Variants in DCAF10 observed in about 807,000 individuals in gnomAD.
DCAF10 encodes the protein DDB1- and CUL4-associated factor 10.
DCAF10 carries 19 observed loss-of-function variants against 51.9 expected under a neutral mutation model. That is an observed-to-expected ratio of 0.37 (90% CI 0.26 to 0.54). The LOEUF is 0.54. Ranked by LOEUF, DCAF10 falls within the 20% of genes least tolerant of loss-of-function variation. DCAF10 has a pLI of 0.87. For synonymous variants in DCAF10, 291 were observed against 297.1 expected, an observed-to-expected ratio of 0.98 and a Z score of 0.21; for missense variants, 510 against 730.6, an observed-to-expected ratio of 0.70 and a Z score of 3.48.
In DCAF10 at chr9:37,801,542, T is replaced by C. The variant is rs1828946227; in HGVS notation, c.539+137T>C. 2 of 1,078,000 alleles carry C rather than the reference T, an allele frequency of 1.9e-6. No individual in the cohort carries two copies. The highest frequency in any genetic ancestry group is 2.5e-5 in the South Asian group (1 of 40,044). 66.8% of individuals were successfully genotyped at this position (1,078,000 alleles called of 1,614,324 possible). Reference sequence around the variant, plus strand: ...TGGGGCCGCTGGCCTTCGTGCCTCCTGGCACTTTCTGAAGCGCATTCTCGC... The same window carrying C: ...TGGGGCCGCTGGCCTTCGTGCCTCCCGGCACTTTCTGAAGCGCATTCTCGC... On this transcript the variant is annotated intron_variant, in intron 1 of 6. Transcript: ENST00000377724. The surrounding 1 kb of genome is among the most constrained non-coding windows in gnomAD (Gnocchi z 5.5).
At chr9:37,834,943 A>G (rs984378734) in intron 2 of DCAF10, among the ~76,000 whole-genome samples, 2 of 151,684 alleles carry the variant, frequency 1.3e-5, no homozygotes, top group African/African-American at 4.8e-5. Context: ...CTCGTGCCAC[A>G]CCTGGCTAAT....
At chr9:37,824,083 G>A (rs12335406) in intron 2 of DCAF10, among the ~76,000 whole-genome samples, 6,145 of 151,940 alleles carry the variant, frequency 0.04, 254 homozygotes, top group African/African-American at 0.11. Context: ...GTTTCACCAC[G>A]TTGGCCAGGC....
intron 2 of DCAF10, among the ~76,000 whole-genome samples, chr9:37,830,877 G>A (rs1829985710): frequency 6.6e-6 from 1 of 152,200 alleles, no homozygotes; most frequent in Admixed American, 6.6e-5. Flanking sequence ...TGCTTCTTCT[G>A]ATCTGTTGAT....
At position 37,842,234 on chromosome 9, in the gene DCAF10, C is replaced by T; in HGVS notation, c.799C>T (p.Leu267Phe). 6.2e-7 allele frequency: 1 copy of T among 1,613,840 alleles called. No homozygotes were observed. Among genetic ancestry groups the T allele is most frequent in the Non-Finnish European group, 8.5e-7 (1 of 1,179,900 alleles). The change falls in exon 3 of 7, where the codon CTC becomes TTC. Residue 267 changes from leucine (L) to phenylalanine (F), a missense_variant. This residue lies in a region of DCAF10 where 126 missense variants were observed against 271.5 expected (regional missense o/e 0.46). Coordinates refer to ENST00000377724, the MANE Select transcript of DCAF10 (RefSeq NM_024345.5). ...CATCGAATATGATACTAATACAAGA[C>T]TCTTAGTAACATCAGGATTTGATGG... is the stretch of plus-strand genomic sequence containing the variant. ...KNIEYDTNTR[L>F]LVTSGFDGNV...
Position 37,829,702 on chromosome 9 carries a change from A to T in DCAF10, c.653+10301A>T, listed in dbSNP as rs983478944. The stretch of plus-strand genomic sequence containing the variant: ...CAATATATGGTAAAGCTGAAGATTA[A>T]TTTTTTTTTAATAATTGATGCAGGC... On this transcript the variant is annotated intron_variant, in intron 2 of 6. Transcript: ENST00000377724. The surrounding 1 kb of genome is among the most constrained non-coding windows in gnomAD (Gnocchi z 4.2). Among the ~76,000 whole-genome samples the T allele has an allele frequency of 2.4e-4, 36 of 151,530 alleles. No individual in the cohort carries two copies. The highest frequency in any genetic ancestry group is 1.9e-4 in the Non-Finnish European group (13 of 67,868).
Position 37,861,349 on chromosome 9 carries a change from T to G in DCAF10, c.1521T>G (p.Leu507=). The change falls in exon 7 of 7, where the codon CTT becomes CTG. Residue 507 remains leucine (L), a synonymous_variant. Coordinates refer to ENST00000377724, the MANE Select transcript of DCAF10 (RefSeq NM_024345.5). The surrounding 1 kb of genome is among the most constrained non-coding windows in gnomAD (Gnocchi z 4.9). ...GATTTGACAAACAGTGCAGTGAACT[T>G]GTTGACTGCTTGCCCAAAGAAGCCA... ...LLGFDKQCSE[L]VDCLPKEASP... is the part of the protein sequence containing the mutation. The G allele has an allele frequency of 6.2e-7, 1 of 1,614,228 alleles. No individual in the cohort carries two copies. The highest frequency in any genetic ancestry group is 8.5e-7 in the Non-Finnish European group (1 of 1,180,028).
chr9:37,857,513 G>A (rs1404754804), intron 5 of DCAF10, among the ~76,000 whole-genome samples, 162 bp downstream of exon 5: 1 of 152,104 alleles, frequency 6.6e-6, no homozygotes, highest in African/African-American at 2.4e-5. Context: ...AAAGCTAACC[G>A]AGAGTCCCTG....
chr9:37,851,671 T>C (rs1359720913), intron 3 of DCAF10, among the ~76,000 whole-genome samples: 1 of 151,366 alleles, frequency 6.6e-6, no homozygotes, highest in Admixed American at 6.6e-5. Context: ...GGCAGGCGCT[T>C]GTAATCCCGG....
intron 1 of DCAF10, among the ~76,000 whole-genome samples, chr9:37,810,024 C>A (rs1383394751): frequency 6.6e-6 from 1 of 151,684 alleles, no homozygotes; most frequent in Non-Finnish European, 1.5e-5. Context: ...TGGTGGCAAA[C>A]GCCTGTAATC....
intron 2 of DCAF10, among the ~76,000 whole-genome samples, chr9:37,832,871 GTTTTT>G (rs1055694600): frequency 1.3e-5 from 2 of 151,446 alleles, no homozygotes; most frequent in African/African-American, 4.9e-5. Flanking sequence ...GTTTTGTTTT[GTTTTT>G]TATTTTTTGT....
At chr9:37,809,394 T>TAA (rs60722292) in intron 1 of DCAF10, among the ~76,000 whole-genome samples, 16 of 129,144 alleles carry the variant, frequency 1.2e-4, no homozygotes, top group African/African-American at 1.9e-4. Flanking sequence ...GGAAATATAG[T>TAA]AAAAAAAAAA....
chr9:37,819,819 T>C (rs1829650969), intron 2 of DCAF10, among the ~76,000 whole-genome samples: 1 of 152,304 alleles, frequency 6.6e-6, no homozygotes, highest in Non-Finnish European at 1.5e-5. Context: ...GCACAGACAA[T>C]TTCTCTGTAG....
intron 3 of DCAF10, among the ~76,000 whole-genome samples, chr9:37,843,845 G>A (rs1830402229): frequency 6.6e-6 from 1 of 152,136 alleles, no homozygotes; most frequent in South Asian, 2.1e-4. Flanking sequence ...AAACTGTCCA[G>A]TTAAAAATAG....
At chr9:37,825,991 C>T (rs1052820737) in intron 2 of DCAF10, among the ~76,000 whole-genome samples, 1 of 150,810 alleles carries the variant, frequency 6.6e-6, no homozygotes, top group Non-Finnish European at 1.5e-5. Context: ...GCCGAGATCG[C>T]GTCACTGCAC....
At position 37,800,963 on chromosome 9, in the gene DCAF10, G is replaced by C. The variant is rs760606695; in HGVS notation, c.97G>C (p.Gly33Arg). Residue 33 changes from glycine to arginine, a missense_variant, in exon 1 of 7, where the codon GGG (glycine) becomes CGG (arginine). Physicochemically the swap from Gly to Arg is moderately radical, Grantham distance 125. Around this residue, in one of 4 missense-constraint regions of DCAF10, gnomAD observed 251 missense variants for 227.9 expected, o/e 1.10. Coordinates refer to ENST00000377724, the MANE Select transcript of DCAF10 (RefSeq NM_024345.5). The part of the protein sequence containing the change: ...TPHEGQAAAT[G>R]PPSPLHPGAD... ...CCACGAGGGGCAGGCAGCAGCCACCGGGCCGCCCTCGCCACTACATCCCGG... is the reference window on the plus strand; with the variant it reads ...CCACGAGGGGCAGGCAGCAGCCACCCGGCCGCCCTCGCCACTACATCCCGG... The C allele has an allele frequency of 1.1e-5, 17 of 1,508,616 alleles. No individual in the cohort carries two copies. Among genetic ancestry groups the C allele is most frequent in the Admixed American group, 2.1e-5 (1 of 48,520 alleles). 93.5% of individuals were successfully genotyped at this position (1,508,616 alleles called of 1,614,324 possible).
chr9:37,800,899 G>A lies in DCAF10; in HGVS notation c.33G>A (p.Gly11=). 6.7e-7 allele frequency: 1 copy of A among 1,497,390 alleles called. No individual in the cohort carries two copies. Among genetic ancestry groups the A allele is most frequent in the South Asian group, 1.3e-5 (1 of 77,866 alleles). 92.8% of individuals were successfully genotyped at this position (1,497,390 alleles called of 1,614,324 possible). MFPFGPHSPG[G]DGSAGAGAEE... is the part of the protein sequence containing the mutation. The stretch of plus-strand genomic sequence containing the variant: ...CCTTTGGGCCCCATAGCCCTGGAGG[G>A]GACGGATCGGCCGGAGCCGGGGCTG... Residue 11 remains glycine, a synonymous_variant, in exon 1 of 7, where the codon GGG becomes GGA. Transcript: ENST00000377724.
rs1831146870 is a variant in DCAF10, at chr9:37,866,863, G to A, written c.*5355G>A. The A allele has an allele frequency of 1.3e-5, 2 of 152,438 alleles. No homozygotes were observed. Among genetic ancestry groups the A allele is most frequent in the African/African-American group, 4.8e-5 (2 of 41,382 alleles). 9.4% of individuals were successfully genotyped at this position (152,438 alleles called of 1,614,324 possible). On this transcript the variant is annotated 3_prime_UTR_variant, in exon 7 of 7. Transcript: ENST00000377724. ...CAACAAAGGCTCTGTATTTGCAGAG[G>A]GGTCTATCATGCTTTTAAGAAAAAA...
intron 5 of DCAF10, among the ~76,000 whole-genome samples, chr9:37,859,552 G>C (rs2118194552): frequency 6.6e-6 from 1 of 152,194 alleles, no homozygotes; most frequent in South Asian, 2.1e-4. Context: ...TTTGTTTATA[G>C]TGTTGTTATT....
At chr9:37,860,973 G>C (rs2296206) in intron 6 of DCAF10, among the ~76,000 whole-genome samples, 167 bp from the exon 7 acceptor site, 29,158 of 148,396 alleles carry the variant, frequency 0.2, 3,199 homozygotes, top group African/African-American at 0.32. Context: ...TAAGAAAGTA[G>C]GGGGCCTACA....
Sources: gnomAD v4.1 joint callset for allele counts (sites outside exome capture counted in the v4.1 genomes callset) on GRCh38, gnomAD v4.1.1 for gene constraint, gnomAD v4.1.1 regional missense constraint, Gnocchi (gnomAD v3.1) non-coding constraint, MANE v1.5 for transcripts, NCBI Gene and HGNC (gene_info 2026-07-23, HGNC 2026-07-21) for gene names.